STK4: variants seen among roughly 807,000 people sequenced by gnomAD.
STK4 encodes the protein serine/threonine-protein kinase 4.
Under a neutral mutation model 64.9 loss-of-function variants are expected in STK4, and 30 were observed. That is an observed-to-expected ratio of 0.46 (90% CI 0.35 to 0.63). The LOEUF is 0.63. STK4 is among the 20% of genes least tolerant of loss of function. The pLI is 0.01. For missense variants in STK4, 466 were observed against 598.5 expected (o/e 0.78, Z 2.31); for synonymous variants, 177 against 199.0 (o/e 0.89, Z 0.93).
chr20:45,004,715 A>G (rs2067903853), intron 9 of STK4, among the ~76,000 whole-genome samples: 2 of 145,686 alleles, frequency 1.4e-5, no homozygotes, highest in Admixed American at 1.4e-4. Flanking sequence ...TTTTGTTGCA[A>G]TTGCTTTTGA....
At chr20:44,995,425 G>A (rs775356376) in intron 6 of STK4, among the ~76,000 whole-genome samples, 168 bp downstream of exon 6, 25 of 152,006 alleles carry the variant, frequency 1.6e-4, no homozygotes, top group Non-Finnish European at 2.1e-4. Context: ...GGCCAACATG[G>A]TGAAACCTTG....
chr20:44,990,667 T>C (rs1337044956), intron 5 of STK4, among the ~76,000 whole-genome samples: 1 of 152,134 alleles, frequency 6.6e-6, no homozygotes, highest in Admixed American at 6.6e-5. Flanking sequence ...TGTTCCTGAT[T>C]CACAACACCA....
chr20:45,010,360 C>T (rs753127824), intron 9 of STK4, among the ~76,000 whole-genome samples: 7 of 152,068 alleles, frequency 4.6e-5, no homozygotes, highest in African/African-American at 7.2e-5. Flanking sequence ...CCACCGCGCC[C>T]GGCCTCCCAA....
At chr20:45,060,781 G>A (rs1267544577) in intron 10 of STK4, among the ~76,000 whole-genome samples, 1 of 152,186 alleles carries the variant, frequency 6.6e-6, no homozygotes, top group Non-Finnish European at 1.5e-5. Flanking sequence ...TAATGTTAGT[G>A]ATCATTAGCC....
At chr20:44,966,663 G>A (rs2067155376) in intron 1 of STK4, 60 bp downstream of exon 1, 2 of 1,259,628 alleles carry the variant, frequency 1.6e-6, no homozygotes, top group Non-Finnish European at 2.0e-6. Context: ...GGCGGGAACT[G>A]GTTGAGGGGA....
chr20:44,984,852 G>A (rs2067504982), intron 4 of STK4, among the ~76,000 whole-genome samples: 1 of 151,670 alleles, frequency 6.6e-6, no homozygotes, highest in Non-Finnish European at 1.5e-5. Context: ...TGTGATCATA[G>A]GTCACTGTAT....
rs1198467452 is a variant in STK4 at position 45,074,612 on chromosome 20, T to C, written c.1306-406T>C. 2.6e-5 allele frequency among the ~76,000 whole-genome samples: 4 copies of C among 152,140 alleles called. No individual in the cohort carries two copies. In the East Asian group the frequency reaches 7.7e-4, roughly 29 times the overall value. ...GAAAGTGGGAAAGGCGCTGTCCAGA[T>C]AGACGCTTATCTCGTAGACAGAACA... is the stretch of plus-strand genomic sequence containing the variant. On this transcript the variant is annotated intron_variant, in intron 10 of 10. Coordinates refer to ENST00000372806, the MANE Select transcript of STK4 (RefSeq NM_006282.5).
At chr20:45,042,572 G>T (rs79969318) in intron 10 of STK4, among the ~76,000 whole-genome samples, 2 of 152,070 alleles carry the variant, frequency 1.3e-5, no homozygotes, top group Non-Finnish European at 2.9e-5. Context: ...GAAATACAAC[G>T]CAATTAGCAT....
At chr20:44,984,800 A>G (rs1025622531) in intron 4 of STK4, among the ~76,000 whole-genome samples, 5 of 151,360 alleles carry the variant, frequency 3.3e-5, no homozygotes, top group African/African-American at 4.9e-5. Flanking sequence ...TTTTTTTTCA[A>G]AGATAGAGTC....
rs1463325045 is a variant in STK4 at position 45,078,545 on chromosome 20, T to C, written c.*3369T>C. 2 of 151,314 alleles carry C rather than the reference T, an allele frequency of 1.3e-5. No homozygotes were observed. The highest frequency in any genetic ancestry group is 4.9e-5 in the African/African-American group (2 of 41,216). The allele number at this position is 151,314 out of a possible 1,614,324, so 9.4% of individuals were successfully genotyped here. Reference sequence around the variant, plus strand: ...CTTTAAGACTGTTTTAATTGCTCCATCAGTAATTTTGAAGCACTTTCCTTT... The same window carrying C: ...CTTTAAGACTGTTTTAATTGCTCCACCAGTAATTTTGAAGCACTTTCCTTT... On this transcript the variant is annotated 3_prime_UTR_variant, in exon 11 of 11. Coordinates refer to ENST00000372806, the MANE Select transcript of STK4 (RefSeq NM_006282.5).
At chr20:45,072,890 T>C (rs983834337) in intron 10 of STK4, among the ~76,000 whole-genome samples, 5 of 152,236 alleles carry the variant, frequency 3.3e-5, no homozygotes, top group Non-Finnish European at 7.3e-5. Flanking sequence ...GTGGAATATT[T>C]ACTATCTGCC....
intron 9 of STK4, among the ~76,000 whole-genome samples, chr20:45,005,661 A>AAT (rs1475856467): frequency 6.6e-6 from 1 of 151,582 alleles, no homozygotes; most frequent in Non-Finnish European, 1.5e-5. Context: ...AAAAAAAAAA[A>AAT]AAAAAACAAA....
intron 10 of STK4, among the ~76,000 whole-genome samples, chr20:45,033,720 C>T (rs553844490): frequency 1.3e-5 from 2 of 152,100 alleles, no homozygotes; most frequent in South Asian, 4.2e-4. Context: ...GCTGAGATTA[C>T]AGGCACCTGC....
intron 10 of STK4, among the ~76,000 whole-genome samples, chr20:45,052,649 A>AT (rs796529561): frequency 2.6e-5 from 4 of 152,108 alleles, no homozygotes; most frequent in African/African-American, 9.6e-5. Context: ...TTATTGTTGC[A>AT]TTTTTTTGCC....
intron 9 of STK4, among the ~76,000 whole-genome samples, 194 bp downstream of exon 9, chr20:45,001,547 C>G (rs1196390242): frequency 6.6e-6 from 1 of 152,102 alleles, no homozygotes; most frequent in African/African-American, 2.4e-5. Flanking sequence ...GAGTCAAAGT[C>G]AAGAAAGCAT....
chr20:44,977,251 A>G (rs1486233232), intron 2 of STK4, among the ~76,000 whole-genome samples: 2 of 152,240 alleles, frequency 1.3e-5, no homozygotes, highest in Admixed American at 1.3e-4. Context: ...TTCTAATGGA[A>G]TGGAAATATT....
intron 9 of STK4, among the ~76,000 whole-genome samples, chr20:45,003,589 A>G (rs2067879697): frequency 6.6e-6 from 1 of 152,132 alleles, no homozygotes; most frequent in African/African-American, 2.4e-5. Context: ...TGAAATGTTT[A>G]TCCTTGGAAA....
intron 5 of STK4, among the ~76,000 whole-genome samples, chr20:44,989,782 A>G (rs1314664607): frequency 6.6e-6 from 1 of 152,168 alleles, no homozygotes; most frequent in African/African-American, 2.4e-5. Flanking sequence ...TAGGCATCCA[A>G]TTTCATTCTT....
At chr20:44,977,495 A>T (rs896446972) in intron 2 of STK4, among the ~76,000 whole-genome samples, 5 of 152,150 alleles carry the variant, frequency 3.3e-5, no homozygotes, top group South Asian at 2.1e-4. Flanking sequence ...TGAAAATGTT[A>T]TCTGTATAAA....
Sources: allele counts gnomAD v4.1 joint callset (sites outside exome capture counted in the v4.1 genomes callset), GRCh38; gene constraint gnomAD v4.1.1; transcripts MANE v1.5; gene names NCBI Gene and HGNC (gene_info 2026-07-23, HGNC 2026-07-21).